RPH3AL: variants seen among roughly 807,000 people sequenced by gnomAD.
RPH3AL encodes rab effector Noc2.
Under a neutral mutation model 43.1 loss-of-function variants are expected in RPH3AL, and 38 were observed. That is an observed-to-expected ratio of 0.88 (90% CI 0.68 to 1.15). The LOEUF (loss-of-function observed/expected upper bound fraction) is 1.15. Among genes scored for constraint, RPH3AL ranks in the 50% most tolerant of loss-of-function variants. The pLI, the probability that RPH3AL is intolerant of heterozygous loss-of-function variation, is 0.00. For synonymous variants in RPH3AL, 189 were observed against 176.3 expected (o/e 1.07, Z -0.57); for missense variants, 462 against 423.2 (o/e 1.09, Z -0.81).
At chr17:302,933 G>A (rs1042070288) in intron 5 of RPH3AL, among the ~76,000 whole-genome samples, 1 of 152,236 alleles carries the variant, frequency 6.6e-6, no homozygotes, top group African/African-American at 2.4e-5. Context: ...AAGGTCAGGG[G>A]CGGGAGCTTC....
At chr17:291,845 T>C (rs753209358) in intron 5 of RPH3AL, among the ~76,000 whole-genome samples, 3 of 152,178 alleles carry the variant, frequency 2.0e-5, no homozygotes, top group Non-Finnish European at 4.4e-5. Context: ...CACGTAAATA[T>C]GTAGATGTGC....
chr17:320,714 T>G (rs1403005847), intron 4 of RPH3AL, among the ~76,000 whole-genome samples: 1 of 152,212 alleles, frequency 6.6e-6, no homozygotes, highest in Non-Finnish European at 1.5e-5. Flanking sequence ...TCCTGCCCAG[T>G]GCATTTGTGT....
intron 1 of RPH3AL, among the ~76,000 whole-genome samples, chr17:342,872 T>C (rs759098653): frequency 1.3e-5 from 2 of 152,194 alleles, no homozygotes; most frequent in Non-Finnish European, 2.9e-5. Context: ...AGAGTCTCAT[T>C]GACCAACCAG....
In RPH3AL at chr17:253,704, G is replaced by C. The variant is rs2041982185; in HGVS notation, c.439-6419C>G. 1.5e-5 allele frequency among the ~76,000 whole-genome samples: 2 copies of C among 136,524 alleles called. 1 individual carries two copies. The highest frequency in any genetic ancestry group is 5.8e-5 in the African/African-American group (2 of 34,696). 89.6% of individuals were successfully genotyped at this position (136,524 alleles called of 152,430 possible). A position where few individuals can be genotyped will look rare whatever the true frequency, so the allele number is the denominator to read the frequency against. ...ACTACCCTACGTACTTCCTATGAGG[G>C]GAGCCGCACGGCGTCTGTCCTTTTC... On this transcript the variant is annotated intron_variant, in intron 6 of 9. Transcript: ENST00000331302.
At chr17:240,885 T>C (rs373185074) in intron 7 of RPH3AL, among the ~76,000 whole-genome samples, 61 of 151,218 alleles carry the variant, frequency 4.0e-4, no homozygotes, top group Non-Finnish European at 6.9e-4. Flanking sequence ...CGGTGAACCC[T>C]GTCTCTACTA....
chr17:265,105 G>A (rs750092504), intron 6 of RPH3AL, among the ~76,000 whole-genome samples: 12 of 152,100 alleles, frequency 7.9e-5, no homozygotes, highest in Non-Finnish European at 1.6e-4. Flanking sequence ...TTTCTTCTTT[G>A]AGACAGGGCC....
chr17:298,705 A>AG, intron 5 of RPH3AL, among the ~76,000 whole-genome samples: 1 of 14,038 alleles, frequency 7.1e-5, no homozygotes, highest in Non-Finnish European at 1.5e-4. Flanking sequence ...ATGTTATCTC[A>AG]AAAAAAAAAA....
intron 5 of RPH3AL, among the ~76,000 whole-genome samples, chr17:303,684 G>C (rs1199643135): frequency 4.2e-4 from 6 of 14,246 alleles, no homozygotes; most frequent in African/African-American, 1.2e-3. Flanking sequence ...AAGAGATGGG[G>C]AGGGAGGGAG....
At chr17:336,739 C>CA (rs1415207688) in intron 1 of RPH3AL, among the ~76,000 whole-genome samples, 1 of 152,224 alleles carries the variant, frequency 6.6e-6, no homozygotes, top group Non-Finnish European at 1.5e-5. Context: ...TGATCTGGCA[C>CA]AAACCACCCT....
chr17:285,455 G>T (rs73971683), intron 5 of RPH3AL, among the ~76,000 whole-genome samples: 1 of 152,166 alleles, frequency 6.6e-6, no homozygotes, highest in African/African-American at 2.4e-5. Flanking sequence ...ACGTAATAGC[G>T]ACTCGATAAA....
intron 7 of RPH3AL, among the ~76,000 whole-genome samples, chr17:238,148 A>AAAAG (rs929945095): frequency 4.9e-5 from 7 of 143,998 alleles, no homozygotes; most frequent in Non-Finnish European, 9.2e-5. Context: ...AGAAAGAAAG[A>AAAAG]AAAGAAAGAA....
intron 1 of RPH3AL, among the ~76,000 whole-genome samples, chr17:334,301 G>C (rs1250571202): frequency 6.6e-6 from 1 of 152,252 alleles, no homozygotes; most frequent in African/African-American, 2.4e-5. Context: ...GCCCGCAGCT[G>C]TCTGTCTCTA....
At chr17:241,924 C>G (rs993173320) in intron 7 of RPH3AL, among the ~76,000 whole-genome samples, 16 of 151,948 alleles carry the variant, frequency 1.1e-4, no homozygotes, top group African/African-American at 3.6e-4. Flanking sequence ...TGAGGCTAGC[C>G]TGGCCAATAT....
chr17:292,116 C>G, intron 5 of RPH3AL, among the ~76,000 whole-genome samples: 1 of 152,180 alleles, frequency 6.6e-6, no homozygotes, highest in Non-Finnish European at 1.5e-5. Flanking sequence ...GCCACAGTGG[C>G]TGACTGTGGC....
intron 6 of RPH3AL, among the ~76,000 whole-genome samples, chr17:253,462 C>T (rs1426406072): frequency 6.6e-6 from 1 of 152,108 alleles, no homozygotes; most frequent in African/African-American, 2.4e-5. Context: ...TTTGCGGCAC[C>T]GGACCACGGT....
rs1176680598 is a variant in RPH3AL at position 215,630 on chromosome 17, A to C, written c.876+24T>G. On this transcript the variant is annotated intron_variant, in intron 9 of 9. Coordinates refer to ENST00000331302, the MANE Select transcript of RPH3AL (RefSeq NM_006987.4). This position sits in a 1 kb window ranked among gnomAD's most constrained non-coding sequence, Gnocchi z 4.1. The stretch of plus-strand genomic sequence containing the variant: ...CACGGCCGCGGGGGCAGGAGAGGGG[A>C]GAAGGCAGCAGTTGGGTACTCACCG... The C allele has an allele frequency of 4.0e-6, 5 of 1,262,734 alleles. No individual in the cohort carries two copies. The highest frequency in any genetic ancestry group is 5.0e-6 in the Non-Finnish European group (5 of 998,852). The allele number at this position is 1,262,734 out of a possible 1,614,324, so 78.2% of individuals were successfully genotyped here.
At chr17:263,602 A>C (rs1329550551) in intron 6 of RPH3AL, among the ~76,000 whole-genome samples, 1 of 152,198 alleles carries the variant, frequency 6.6e-6, no homozygotes, top group Non-Finnish European at 1.5e-5. Flanking sequence ...TTGGATGCTG[A>C]TATTATTAAA....
intron 5 of RPH3AL, among the ~76,000 whole-genome samples, chr17:286,777 C>T (rs1288127049): frequency 2.0e-5 from 3 of 152,168 alleles, no homozygotes; most frequent in African/African-American, 7.2e-5. Context: ...CCAGGGCAAG[C>T]GAGTCCTGGC....
At chr17:286,160 G>A (rs1310942309) in intron 5 of RPH3AL, among the ~76,000 whole-genome samples, 1 of 152,188 alleles carries the variant, frequency 6.6e-6, no homozygotes, top group African/African-American at 2.4e-5. Flanking sequence ...GAGTGTCCAC[G>A]GAACTGAGTC....
Sources: gnomAD v4.1 joint callset for allele counts (sites outside exome capture counted in the v4.1 genomes callset) on GRCh38, gnomAD v4.1.1 for gene constraint, Gnocchi (gnomAD v3.1) non-coding constraint, MANE v1.5 for transcripts, NCBI Gene and HGNC (gene_info 2026-07-23, HGNC 2026-07-21) for gene names.